The following NIN variants were observed in gnomAD, a reference collection of about 807,000 sequenced individuals.
NIN encodes glycogen synthase kinase 3 beta-interacting protein.
In NIN, 137 loss-of-function variants were observed where a neutral mutation model predicts 257.6. The ratio of observed to expected loss-of-function variants is 0.53; its 90% CI spans 0.46 to 0.61. NIN has a LOEUF of 0.61. NIN is among the 20% of genes least tolerant of loss of function. The pLI, the probability that NIN is intolerant of heterozygous loss-of-function variation, is 0.00. For synonymous variants in NIN, 918 were observed against 919.8 expected (o/e 1.00, Z 0.04); for missense variants, 2,439 against 2,501.2 (o/e 0.98, Z 0.53).
rs116619609 is a variant in NIN, at chr14:50,821,833, G to A, written c.183+41C>T. ...CACCCCCAGCACCCCGGCAGAAACC[G>A]CACCCCACTTCCCATAGCCACGTTC... is the stretch of plus-strand genomic sequence containing the variant. On this transcript the variant is annotated intron_variant, in intron 3 of 30. Coordinates refer to ENST00000530997, the MANE Select transcript of NIN (RefSeq NM_020921.4). The A allele has an allele frequency of 2.2e-4, 333 of 1,536,956 alleles. No individual in the cohort carries two copies. The African/African-American group carries it at 4.0e-3, about 18-fold the overall frequency.
At position 50,756,635 on chromosome 14, in the gene NIN, A is replaced by G. The variant is rs74594049; in HGVS notation, c.4395T>C (p.Thr1465=). The change falls in exon 18 of 31, where the codon ACT becomes ACC. Residue 1465 remains threonine, a synonymous_variant. Transcript: ENST00000530997. ...TAGTGACTCTCTCCTTCAACTTCCT[A>G]GTCAGCTCCTGTAACTTTGTTTTCT... ...ELEKTKLQEL[T]RKLKERVTIL... 8.9e-4 allele frequency: 1,386 copies of G among 1,558,830 alleles called. 16 individuals are homozygous for G. In the African/African-American group the frequency reaches 0.016, roughly 18 times the overall value.
intron 2 of NIN, among the ~76,000 whole-genome samples, chr14:50,824,981 A>G (rs1428787908): frequency 6.6e-6 from 1 of 152,240 alleles, no homozygotes; most frequent in Non-Finnish European, 1.5e-5. Context: ...CTTCGACTGC[A>G]TTGTCTTGCT....
intron 2 of NIN, among the ~76,000 whole-genome samples, chr14:50,829,708 GGGCA>G (rs2045613215): frequency 6.6e-6 from 1 of 152,336 alleles, no homozygotes; most frequent in Admixed American, 6.5e-5. Flanking sequence ...ATATATGGTA[GGGCA>G]GTCTTTCCAG....
intron 5 of NIN, chr14:50,792,432 T>C: frequency 2.6e-6 from 1 of 382,222 alleles, no homozygotes; most frequent in Non-Finnish European, 4.8e-6. Flanking sequence ...GAACTAGAAG[T>C]GGGAGACCTC....
At chr14:50,782,944 C>A (rs141727535) in intron 5 of NIN, among the ~76,000 whole-genome samples, 1 of 113,754 alleles carries the variant, frequency 8.8e-6, no homozygotes, top group Non-Finnish European at 1.8e-5. Context: ...AACAGACATT[C>A]TTGAGACAGT....
chr14:50,756,312 G>A (rs2042024242), intron 18 of NIN, among the ~76,000 whole-genome samples, 180 bp downstream of exon 18: 1 of 152,182 alleles, frequency 6.6e-6, no homozygotes, highest in African/African-American at 2.4e-5. Flanking sequence ...GGAAGGGAAT[G>A]CCTCCTAAAC....
chr14:50,739,315 C>T lies in NIN; in HGVS notation c.5621G>A (p.Arg1874Gln), dbSNP rs750575963. ...TGCAGCTTCTCCAATTACCTTCTCC[C>T]GGGAGTGCGTGAGTTCGGCTTTGGT... ...QNTKAELTHS[R>Q]EKVRQLESNL... Residue 1874 changes from arginine to glutamine, a missense_variant, in exon 26 of 31, where the codon CGG (arginine) becomes CAG (glutamine). By Grantham distance (43) the Arg-to-Gln change is conservative (BLOSUM62 1). Coordinates refer to ENST00000530997, the MANE Select transcript of NIN (RefSeq NM_020921.4). The T allele has an allele frequency of 1.2e-5, 19 of 1,613,774 alleles. No individual in the cohort carries two copies. Among genetic ancestry groups the T allele is most frequent in the East Asian group, 8.9e-5 (4 of 44,890 alleles).
At chr14:50,728,532 G>T (rs2040527723) in intron 29 of NIN, among the ~76,000 whole-genome samples, 1 of 152,198 alleles carries the variant, frequency 6.6e-6, no homozygotes. Context: ...GAGCTAATGT[G>T]ACTGCAAAGC....
chr14:50,780,091 G>C (rs2043074042), intron 5 of NIN, among the ~76,000 whole-genome samples: 1 of 152,202 alleles, frequency 6.6e-6, no homozygotes, highest in South Asian at 2.1e-4. Flanking sequence ...CCACTGCCCG[G>C]GGATAGTACA....
At position 50,758,573 on chromosome 14, in the gene NIN, C is replaced by A. The variant is rs747642476; in HGVS notation, c.2457G>T (p.Gln819His). Residue 819 changes from glutamine to histidine, a missense_variant, in exon 18 of 31, where the codon CAG becomes CAT. Gln to His is a conservative substitution (Grantham distance 24). Coordinates refer to ENST00000530997, the MANE Select transcript of NIN (RefSeq NM_020921.4). ...RRTSQIEAQF[Q>H]SDCQKVTERC... is the part of the protein sequence containing the mutation. ...TCTCAGTGACTTTCTGACAATCAGA[C>A]TGAAACTGGGCTTCTATTTGAGAGG... 6.2e-7 allele frequency: 1 copy of A among 1,607,482 alleles called. No homozygotes were observed. The highest frequency in any genetic ancestry group is 1.1e-5 in the South Asian group (1 of 89,854).
Position 50,745,816 on chromosome 14 carries a change from T to C in NIN, c.5065-1451A>G, listed in dbSNP as rs370111162. ...CTATTTGTGTTTCCTTTCAGTGCAA[T>C]AGATAACACAGATAGAAGTGCTTTG... On this transcript the variant is annotated intron_variant, in intron 22 of 30. Transcript: ENST00000530997. Among the ~76,000 whole-genome samples, 181 of 152,288 alleles carry C rather than the reference T, an allele frequency of 1.2e-3. 1 individual carries two copies. In the South Asian group the frequency reaches 0.033, roughly 28 times the overall value.
At chr14:50,754,668 G>T (rs2041945005) in intron 19 of NIN, 36 bp from the exon 20 acceptor site, 2 of 1,592,730 alleles carry the variant, frequency 1.3e-6, no homozygotes, top group East Asian at 4.5e-5. Flanking sequence ...TTAATGGTTA[G>T]GCTTTAAAAG....
chr14:50,762,949 A>G (rs1261398816), intron 15 of NIN, among the ~76,000 whole-genome samples: 1 of 152,118 alleles, frequency 6.6e-6, no homozygotes, highest in African/African-American at 2.4e-5. Context: ...CAACCCCAAC[A>G]CTTGGCCATC....
In NIN at chr14:50,723,642, C is replaced by A. The variant is rs367999953; in HGVS notation, c.6223G>T (p.Val2075Leu). The A allele has an allele frequency of 6.2e-6, 10 of 1,613,822 alleles. No individual in the cohort carries two copies. The highest frequency in any genetic ancestry group is 5.3e-5 in the African/African-American group (4 of 75,016). Residue 2075 changes from valine to leucine, a missense_variant, in exon 31 of 31, where the codon GTG becomes TTG. Val to Leu is a conservative substitution (Grantham distance 32). This residue lies in a region of NIN where 2,043 missense variants were observed against 2,050.2 expected (regional missense o/e 1.00). Transcript: ENST00000530997. ...LCKNTKADAM[V>L]KDLYVENAQL... The stretch of plus-strand genomic sequence containing the variant: ...GCATTTTCAACATACAAGTCCTTCA[C>A]CATTGCGTCTGCCTTAGTGTTCTTG...
intron 21 of NIN, among the ~76,000 whole-genome samples, chr14:50,752,211 T>C (rs2041818464): frequency 6.6e-6 from 1 of 152,124 alleles, no homozygotes; most frequent in South Asian, 2.1e-4. Flanking sequence ...TCCTTGTGCA[T>C]GGAATGAAAC....
chr14:50,739,179 A>G, intron 26 of NIN, 129 bp downstream of exon 26: 1 of 712,432 alleles, frequency 1.4e-6, no homozygotes, highest in Admixed American at 2.7e-5. Context: ...TACATTCTTA[A>G]AATAAGTCTG....
chr14:50,726,703 C>A (rs566308786), intron 29 of NIN, among the ~76,000 whole-genome samples: 1 of 152,304 alleles, frequency 6.6e-6, no homozygotes, highest in South Asian at 2.1e-4. Flanking sequence ...TGTTCTCACA[C>A]AACGGTGATG....
chr14:50,784,703 G>A (rs2043269947), intron 5 of NIN, among the ~76,000 whole-genome samples: 1 of 151,884 alleles, frequency 6.6e-6, no homozygotes, highest in Admixed American at 6.6e-5. Context: ...AAAACATCAT[G>A]TTGTACACTG....
rs775217753 is a variant in NIN, at chr14:50,722,367, A to G, written c.*1096T>C. ...TGACCTATATTAAATAAACTCTTCT[A>G]TAAGTCAGGTTTTTAACCCTAAAAT... On this transcript the variant is annotated 3_prime_UTR_variant, in exon 31 of 31. Coordinates refer to ENST00000530997, the MANE Select transcript of NIN (RefSeq NM_020921.4). 1 of 214,344 alleles carries G rather than the reference A, an allele frequency of 4.7e-6. No homozygotes were observed. The highest frequency in any genetic ancestry group is 7.0e-5 in the East Asian group (1 of 14,346). 13.3% of individuals were successfully genotyped at this position (214,344 alleles called of 1,614,324 possible). A position where few individuals can be genotyped will look rare whatever the true frequency, so the allele number is the denominator to read the frequency against.
Sources: allele counts gnomAD v4.1 joint callset (sites outside exome capture counted in the v4.1 genomes callset), GRCh38; gene constraint gnomAD v4.1.1; regional missense constraint gnomAD v4.1.1; transcripts MANE v1.5; gene names NCBI Gene and HGNC (gene_info 2026-07-23, HGNC 2026-07-21).